DNAJC13: variants seen among roughly 807,000 people sequenced by gnomAD.
The protein encoded by DNAJC13 is dnaJ homolog subfamily C member 13.
A neutral mutation model predicts 290.5 loss-of-function variants in DNAJC13; 75 were observed. That is an observed-to-expected ratio of 0.26 (90% CI 0.21 to 0.31). The LOEUF is 0.31. DNAJC13 is among the 10% of genes least tolerant of loss of function. The probability of loss-of-function intolerance (pLI) is 1.00; values close to 1 mark genes in which losing one functional copy is unlikely to be tolerated. For synonymous variants in DNAJC13, 862 were observed against 892.0 expected, an observed-to-expected ratio of 0.97 and a Z score of 0.60; for missense variants, 2,260 against 2,674.5, an observed-to-expected ratio of 0.85 and a Z score of 3.42.
At chr3:132,523,944 G>T in intron 51 of DNAJC13, 1 of 410,710 alleles carries the variant, frequency 2.4e-6, no homozygotes, top group Non-Finnish European at 4.3e-6. Flanking sequence ...TATATTGAGA[G>T]GATGCTATTT....
intron 35 of DNAJC13, among the ~76,000 whole-genome samples, chr3:132,495,837 G>T (rs1376677576): frequency 6.6e-6 from 1 of 151,996 alleles, no homozygotes; most frequent in African/African-American, 2.4e-5. Flanking sequence ...AAACCCTAGG[G>T]GTTTTTTTGA....
intron 1 of DNAJC13, among the ~76,000 whole-genome samples, chr3:132,427,894 T>G (rs1288120572): frequency 6.6e-6 from 1 of 152,202 alleles, no homozygotes; most frequent in East Asian, 1.9e-4. Context: ...ATTCAGAAAC[T>G]TTTGTTCAAA....
intron 42 of DNAJC13, among the ~76,000 whole-genome samples, chr3:132,506,357 T>C (rs1935588518): frequency 6.6e-6 from 1 of 151,574 alleles, no homozygotes; most frequent in Admixed American, 6.6e-5. Context: ...CGGCCTTCTG[T>C]ACATTATCTT....
chr3:132,529,284 A>G (rs1936344887), intron 54 of DNAJC13, among the ~76,000 whole-genome samples: 1 of 152,198 alleles, frequency 6.6e-6, no homozygotes, highest in Non-Finnish European at 1.5e-5. Flanking sequence ...TTTTATGTCT[A>G]AATATGTCAT....
chr3:132,487,488 C>T (rs1217533570), intron 29 of DNAJC13, among the ~76,000 whole-genome samples: 4 of 150,438 alleles, frequency 2.7e-5, no homozygotes, highest in African/African-American at 9.8e-5. Context: ...GAACTCCTGA[C>T]CTTGTGATCC....
rs569858982 is a variant in DNAJC13 at position 132,439,528 on chromosome 3, A to AT, written c.68+4916dup. Among the ~76,000 whole-genome samples, 15 of 151,080 alleles carry AT rather than the reference A, an allele frequency of 9.9e-5. No individual in the cohort carries two copies. In the South Asian group the frequency reaches 3.1e-3, roughly 32 times the overall value. ...AATTCTTTTGTGTTTTCTTTGTCTA[A>AT]TTTTTTGTGACTATCATCAGGCAAC... On this transcript the variant is annotated intron_variant, in intron 2 of 55. Transcript: ENST00000260818.
chr3:132,504,431 A>G (rs1220350117), intron 41 of DNAJC13, among the ~76,000 whole-genome samples: 1 of 151,736 alleles, frequency 6.6e-6, no homozygotes, highest in Non-Finnish European at 1.5e-5. Flanking sequence ...AATGTGATAC[A>G]TTTTGCTGAC....
chr3:132,472,821 T>C lies in DNAJC13; in HGVS notation c.2209-324T>C, dbSNP rs944577783. Among the ~76,000 whole-genome samples the C allele has an allele frequency of 2.0e-5, 3 of 152,366 alleles. No individual in the cohort carries two copies. In the East Asian group the frequency reaches 5.8e-4, roughly 29 times the overall value. On this transcript the variant is annotated intron_variant, in intron 20 of 55. Coordinates refer to ENST00000260818, the MANE Select transcript of DNAJC13 (RefSeq NM_015268.4). ...TTTGTGTTAACTGCATGTAAATGTT[T>C]GAAACAAGTCACTGTTTTTGACTAT... is the stretch of plus-strand genomic sequence containing the variant.
chr3:132,522,568 CT>C (rs1219262790), intron 48 of DNAJC13, among the ~76,000 whole-genome samples: 3 of 152,012 alleles, frequency 2.0e-5, no homozygotes, highest in Non-Finnish European at 2.9e-5. Flanking sequence ...GAAAATGAAA[CT>C]TTTTTGGTCA....
In DNAJC13 at chr3:132,505,354, A is replaced by G; in HGVS notation, c.4937A>G (p.Asn1646Ser). ...GAAAGTCCATATTTGATATGGAACA[A>G]TTCTACAAGAGCAGAATTACTTGAA... ...NTESPYLIWN[N>S]STRAELLEFL... is the part of the protein sequence containing the mutation. The change falls in exon 42 of 56, where the codon AAT becomes AGT. Residue 1646 changes from asparagine to serine, a missense_variant. By Grantham distance (46) the Asn-to-Ser change is conservative. This residue lies in a region of DNAJC13 where 1,494 missense variants were observed against 1,693.7 expected (regional missense o/e 0.88). Transcript: ENST00000260818. 1.2e-6 allele frequency: 2 copies of G among 1,611,844 alleles called. No individual in the cohort carries two copies. Among genetic ancestry groups the G allele is most frequent in the South Asian group, 1.1e-5 (1 of 90,758 alleles).
At chr3:132,482,122 G>A (rs942109692) in intron 26 of DNAJC13, 104 bp from the exon 27 acceptor site, 37 of 781,490 alleles carry the variant, frequency 4.7e-5, no homozygotes, top group Admixed American at 9.7e-5. Context: ...AACTTTTAAA[G>A]GGATATAAAC....
chr3:132,515,791 C>T (rs939778032), intron 46 of DNAJC13, among the ~76,000 whole-genome samples: 2 of 152,172 alleles, frequency 1.3e-5, no homozygotes, highest in Non-Finnish European at 2.9e-5. Context: ...TACATTGTTA[C>T]TGTTCTTGTT....
intron 2 of DNAJC13, among the ~76,000 whole-genome samples, chr3:132,441,180 G>T (rs891885655): frequency 6.6e-6 from 1 of 152,218 alleles, no homozygotes; most frequent in African/African-American, 2.4e-5. Context: ...TCGAATGGAA[G>T]GTCTGACTGG....
chr3:132,473,277 G>GATGCCTCTCATGGCA, intron 21 of DNAJC13, 50 bp downstream of exon 21: 1 of 1,280,714 alleles, frequency 7.8e-7, no homozygotes, highest in Non-Finnish European at 1.1e-6. Context: ...GTATTGCCAT[G>GATGCCTCTCATGGCA]AGAGGCATCA....
At chr3:132,459,408 A>G (rs996115626) in intron 13 of DNAJC13, among the ~76,000 whole-genome samples, 3 of 152,146 alleles carry the variant, frequency 2.0e-5, no homozygotes, top group Non-Finnish European at 4.4e-5. Context: ...GGTGGTTGCC[A>G]GGGGCTTGGG....
intron 20 of DNAJC13, among the ~76,000 whole-genome samples, chr3:132,468,720 A>C (rs1377906755): frequency 6.6e-6 from 1 of 152,178 alleles, no homozygotes; most frequent in Non-Finnish European, 1.5e-5. Flanking sequence ...TAAAGGCACT[A>C]TATACATATA....
intron 14 of DNAJC13, 92 bp downstream of exon 14, chr3:132,460,449 T>TA: frequency 1.2e-6 from 1 of 811,430 alleles, no homozygotes; most frequent in Non-Finnish European, 2.0e-6. Flanking sequence ...TTTTTTTTTT[T>TA]TATTGTAGCC....
intron 27 of DNAJC13, 76 bp from the exon 28 acceptor site, chr3:132,483,299 T>C: frequency 1.6e-6 from 2 of 1,219,044 alleles, no homozygotes; most frequent in Non-Finnish European, 2.4e-6. Context: ...AGTATGTATT[T>C]ACTATAAAGT....
intron 52 of DNAJC13, 149 bp from the exon 53 acceptor site, chr3:132,525,992 T>C: frequency 8.2e-7 from 1 of 1,220,762 alleles, no homozygotes; most frequent in Non-Finnish European, 1.1e-6. Flanking sequence ...GTTTAGGTGA[T>C]ATAATTAATA....
Sources: gnomAD v4.1 joint callset for allele counts (sites outside exome capture counted in the v4.1 genomes callset) on GRCh38, gnomAD v4.1.1 for gene constraint, gnomAD v4.1.1 regional missense constraint, MANE v1.5 for transcripts, NCBI Gene and HGNC (gene_info 2026-07-23, HGNC 2026-07-21) for gene names.